The following ZNF782 variants were observed in gnomAD, a reference collection of about 807,000 sequenced individuals.
ZNF782 encodes the protein zinc finger protein 782.
Under a neutral mutation model 13.0 loss-of-function variants are expected in ZNF782, and 12 were observed. The observed-to-expected ratio is 0.92, with a 90% CI of 0.59 to 1.50. The LOEUF is 1.50. Among genes scored for constraint, ZNF782 ranks in the 40% most tolerant of loss-of-function variants. ZNF782 has a pLI of 0.00. For synonymous variants in ZNF782, 284 were observed against 283.0 expected (o/e 1.00, Z -0.04); for missense variants, 770 against 822.9 (o/e 0.94, Z 0.79).
the ZNF782 span, among the ~76,000 whole-genome samples, chr9:96,933,006 C>T: frequency 7.3e-6 from 1 of 136,696 alleles, no homozygotes; most frequent in African/African-American, 2.8e-5. Context: ...GAGATGGAGT[C>T]TCACTCTGTC....
chr9:96,844,755 T>TA (rs756814382), intron 4 of ZNF782, 135 bp downstream of exon 4: 6 of 1,214,596 alleles, frequency 4.9e-6, no homozygotes, highest in Non-Finnish European at 7.1e-6. Flanking sequence ...TATACCTCAA[T>TA]AAAAGTGACT....
At chr9:96,886,054 C>T in the ZNF782 span, among the ~76,000 whole-genome samples, 46,952 of 151,952 alleles carry the variant, frequency 0.31, 8,428 homozygotes, top group Admixed American at 0.4. Context: ...CCCTATGTTG[C>T]CCAGGCTGGT....
chr9:96,931,901 G>A, the ZNF782 span: 3 of 1,612,248 alleles, frequency 1.9e-6, no homozygotes, highest in Non-Finnish European at 2.5e-6. Flanking sequence ...CCCTCTAGTG[G>A]CAGGACAGGA....
the ZNF782 span, chr9:96,929,066 T>G: frequency 1.2e-6 from 2 of 1,610,346 alleles, no homozygotes; most frequent in African/African-American, 2.7e-5. Flanking sequence ...TGGGGCATTA[T>G]CCTAGTCTGC....
chr9:96,833,867 G>A (rs944387344), intron 4 of ZNF782, among the ~76,000 whole-genome samples: 8 of 151,914 alleles, frequency 5.3e-5, no homozygotes, highest in Admixed American at 1.3e-4. Flanking sequence ...CATACTTTGG[G>A]TTATGAACCA....
intron 1 of ZNF782, among the ~76,000 whole-genome samples, chr9:96,863,664 G>A (rs528328967): frequency 9.8e-5 from 15 of 152,290 alleles, no homozygotes; most frequent in Middle Eastern, 3.4e-3. Flanking sequence ...TATGCACCAC[G>A]GAATACTGCT....
At chr9:96,917,887 C>CGT in the ZNF782 span, among the ~76,000 whole-genome samples, 48,634 of 121,336 alleles carry the variant, frequency 0.4, 10,169 homozygotes, top group Admixed American at 0.49. Context: ...CCACCCTTGG[C>CGT]GTGTGTGTGT....
the ZNF782 span, among the ~76,000 whole-genome samples, chr9:96,896,332 G>GA: frequency 6.6e-6 from 1 of 152,130 alleles, no homozygotes; most frequent in Non-Finnish European, 1.5e-5. Flanking sequence ...AATTTAATCT[G>GA]AAGGGATCTT....
At chr9:96,829,320 T>G (rs909986572) in intron 4 of ZNF782, among the ~76,000 whole-genome samples, 2 of 152,130 alleles carry the variant, frequency 1.3e-5, no homozygotes, top group African/African-American at 2.4e-5. Context: ...TCAAGTTATC[T>G]TTTTAGACAA....
chr9:96,831,961 CTG>C (rs1393902344), intron 4 of ZNF782, among the ~76,000 whole-genome samples: 2 of 152,106 alleles, frequency 1.3e-5, no homozygotes, highest in Non-Finnish European at 2.9e-5. Context: ...CTCTTTCAAT[CTG>C]TCTTTTAATT....
Position 96,817,776 on chromosome 9 carries a change from C to T in ZNF782, c.*147G>A, listed in dbSNP as rs1162714689. On this transcript the variant is annotated 3_prime_UTR_variant, in exon 6 of 6. Coordinates refer to ENST00000481138, the MANE Select transcript of ZNF782 (RefSeq NM_001001662.3). ...AAAATAGATTTCAACAATTTATCTT[C>T]TATTCTTTGATATTTGGTGGAGGCT... 1 of 667,430 alleles carries T rather than the reference C, an allele frequency of 1.5e-6. No individual in the cohort carries two copies. The highest frequency in any genetic ancestry group is 1.9e-5 in the African/African-American group (1 of 53,926). The allele number at this position is 667,430 out of a possible 1,614,324, so 41.3% of individuals were successfully genotyped here.
chr9:96,826,972 T>A, intron 5 of ZNF782, 108 bp downstream of exon 5: 2 of 698,228 alleles, frequency 2.9e-6, no homozygotes, highest in Non-Finnish European at 4.4e-6. Context: ...TTTTTGTTTG[T>A]ATTTTTTCAG....
chr9:96,887,527 C>G, the ZNF782 span: 1 of 152,112 alleles, frequency 6.6e-6, no homozygotes, highest in African/African-American at 2.4e-5. Flanking sequence ...GCTGGATCTA[C>G]AAAAACTCAC....
the ZNF782 span, among the ~76,000 whole-genome samples, chr9:96,903,529 ACTTTT>A: frequency 7.2e-6 from 1 of 138,370 alleles, no homozygotes; most frequent in South Asian, 2.3e-4. Flanking sequence ...TGTGACCATA[ACTTTT>A]CTTTTTTTTA....
chr9:96,865,126 T>G (rs1044409660), intron 1 of ZNF782, among the ~76,000 whole-genome samples: 57 of 152,198 alleles, frequency 3.7e-4, no homozygotes, highest in Non-Finnish European at 7.3e-5. Context: ...GCTCCCAGCC[T>G]GTTCTTCTCT....
the ZNF782 span, among the ~76,000 whole-genome samples, chr9:96,911,156 A>C: frequency 3.4e-5 from 5 of 147,820 alleles, no homozygotes; most frequent in African/African-American, 1.2e-4. Context: ...TTGTAAAAAA[A>C]GGGCCAGGCG....
chr9:96,863,197 C>T (rs577566513), intron 1 of ZNF782, among the ~76,000 whole-genome samples: 19 of 152,056 alleles, frequency 1.2e-4, no homozygotes, highest in Non-Finnish European at 2.8e-4. Context: ...TAAAAATTAG[C>T]GTCTATCAGA....
At chr9:96,838,844 T>C (rs1851091921) in intron 4 of ZNF782, among the ~76,000 whole-genome samples, 1 of 151,816 alleles carries the variant, frequency 6.6e-6, no homozygotes, top group African/African-American at 2.4e-5. Context: ...GCCTCCCAAG[T>C]AGCTGGAATT....
the ZNF782 span, among the ~76,000 whole-genome samples, chr9:96,925,612 G>A: frequency 7.0e-6 from 1 of 143,036 alleles, no homozygotes; most frequent in African/African-American, 2.7e-5. Context: ...TTCAAGGTGG[G>A]AGCAAGACTC....
Sources: allele counts gnomAD v4.1 joint callset (sites outside exome capture counted in the v4.1 genomes callset), GRCh38; gene constraint gnomAD v4.1.1; transcripts MANE v1.5; gene names NCBI Gene and HGNC (gene_info 2026-07-23, HGNC 2026-07-21).